The following HECW2 variants were observed in gnomAD, a reference collection of about 807,000 sequenced individuals.
The protein encoded by HECW2 is HECT, C2 and WW domain containing E3 ubiquitin protein ligase 2.
In HECW2, 61 loss-of-function variants were observed where a neutral mutation model predicts 175.2. The observed-to-expected ratio is 0.35, with a 90% confidence interval of 0.28 to 0.43. The LOEUF (loss-of-function observed/expected upper bound fraction) is 0.43. HECW2 is among the 20% of genes least tolerant of loss of function. The pLI is 1.00. For missense variants in HECW2, 1,524 were observed against 2,000.5 expected (o/e 0.76, Z 4.54); for synonymous variants, 671 against 731.0 (o/e 0.92, Z 1.32).
At chr2:196,245,612 A>C (rs1009313396) in intron 19 of HECW2, among the ~76,000 whole-genome samples, 1 of 152,206 alleles carries the variant, frequency 6.6e-6, no homozygotes, top group African/African-American at 2.4e-5. Context: ...TGCATAAGAG[A>C]TCCCACGTAA....
At chr2:196,591,419 C>T (rs759000226) in intron 1 of HECW2, among the ~76,000 whole-genome samples, 2 of 152,180 alleles carry the variant, frequency 1.3e-5, no homozygotes, top group African/African-American at 2.4e-5. Context: ...CCCCCAGAAG[C>T]AGCACGATTA....
At chr2:196,467,895 G>C (rs900736768) in intron 1 of HECW2, among the ~76,000 whole-genome samples, 16 of 152,188 alleles carry the variant, frequency 1.1e-4, no homozygotes, top group Admixed American at 8.5e-4. Flanking sequence ...CTTGCTAAAC[G>C]TGTCCTTATA....
chr2:196,399,358 A>T (rs1170612690), intron 2 of HECW2, among the ~76,000 whole-genome samples: 1 of 152,246 alleles, frequency 6.6e-6, no homozygotes, highest in East Asian at 1.9e-4. Flanking sequence ...ACTTCAAGTC[A>T]TTTCCCCCTG....
chr2:196,313,537 T>C (rs1691578387), intron 10 of HECW2, among the ~76,000 whole-genome samples: 1 of 152,182 alleles, frequency 6.6e-6, no homozygotes, highest in Non-Finnish European at 1.5e-5. Context: ...AAGGCCACAG[T>C]GCACTCTGTG....
At chr2:196,559,211 T>C (rs13384509) in intron 1 of HECW2, among the ~76,000 whole-genome samples, 7,247 of 152,222 alleles carry the variant, frequency 0.048, 568 homozygotes, top group African/African-American at 0.16. Flanking sequence ...ACAGTTCCCA[T>C]TAGACCCTCC....
chr2:196,399,139 G>T (rs1575501192), intron 2 of HECW2, among the ~76,000 whole-genome samples: 1 of 152,142 alleles, frequency 6.6e-6, no homozygotes, highest in East Asian at 1.9e-4. Flanking sequence ...TTCTCAGGTT[G>T]AGCATGTACA....
intron 13 of HECW2, among the ~76,000 whole-genome samples, chr2:196,294,420 A>G (rs981010022): frequency 1.1e-4 from 17 of 152,200 alleles, no homozygotes; most frequent in African/African-American, 3.9e-4. Flanking sequence ...TCTCAGGGAC[A>G]CTAGACTGAG....
At chr2:196,248,540 G>T (rs13405379) in intron 19 of HECW2, among the ~76,000 whole-genome samples, 3,491 of 151,564 alleles carry the variant, frequency 0.023, 116 homozygotes, top group African/African-American at 0.077. Context: ...CTACTTCAGG[G>T]ACTGTAGGAA....
chr2:196,312,259 A>C (rs985387650), intron 10 of HECW2, among the ~76,000 whole-genome samples: 3 of 151,910 alleles, frequency 2.0e-5, no homozygotes, highest in Non-Finnish European at 4.4e-5. Flanking sequence ...GGGGGGTGCT[A>C]TGGGTAGGGT....
chr2:196,471,989 A>G (rs1016076421), intron 1 of HECW2, among the ~76,000 whole-genome samples: 12 of 151,862 alleles, frequency 7.9e-5, no homozygotes, highest in Non-Finnish European at 1.6e-4. Flanking sequence ...AAAAAAAAAA[A>G]AAAAGAAAAG....
At chr2:196,223,864 G>T (rs759302079) in intron 23 of HECW2, among the ~76,000 whole-genome samples, 23 of 152,156 alleles carry the variant, frequency 1.5e-4, no homozygotes, top group Non-Finnish European at 1.8e-4. Flanking sequence ...AGAAGAAGAT[G>T]AATTTGAAAA....
intron 2 of HECW2, among the ~76,000 whole-genome samples, chr2:196,422,251 T>C (rs916986877): frequency 8.5e-5 from 13 of 152,146 alleles, no homozygotes; most frequent in Admixed American, 6.6e-4. Context: ...CATTCTACTA[T>C]GGGAGAGACA....
chr2:196,286,816 TGGTC>T (rs979442095), intron 14 of HECW2, among the ~76,000 whole-genome samples: 6 of 152,212 alleles, frequency 3.9e-5, no homozygotes, highest in African/African-American at 1.4e-4. Context: ...ACAAATGTGG[TGGTC>T]AAGTAGACAA....
In HECW2 at chr2:196,491,472, G is replaced by A. The variant is rs62184696; in HGVS notation, c.-35-58014C>T. Among the ~76,000 whole-genome samples, 97 of 137,076 alleles carry A rather than the reference G, an allele frequency of 7.1e-4. 1 individual carries two copies. In the East Asian group the frequency reaches 9.0e-3, roughly 13 times the overall value. 89.9% of individuals were successfully genotyped at this position (137,076 alleles called of 152,430 possible). A position where few individuals can be genotyped will look rare whatever the true frequency, so the allele number is the denominator to read the frequency against. ...ACACACTTAGGTATATTAGGTGTGT[G>A]TATATATATATATACACATATATAT... On this transcript the variant is annotated intron_variant, in intron 1 of 28. Coordinates refer to ENST00000644978, the MANE Select transcript of HECW2 (RefSeq NM_001348768.2).
At chr2:196,231,204 C>T (rs918680589) in intron 21 of HECW2, among the ~76,000 whole-genome samples, 2 of 151,676 alleles carry the variant, frequency 1.3e-5, no homozygotes, top group Non-Finnish European at 2.9e-5. Context: ...AGAGCATGCC[C>T]GTGGTCAAAG....
chr2:196,402,132 C>T lies in HECW2; in HGVS notation c.292+31000G>A, dbSNP rs1253254280. Among the ~76,000 whole-genome samples the T allele has an allele frequency of 8.0e-5, 10 of 124,756 alleles. 1 individual carries two copies. In the East Asian group the frequency reaches 1.1e-3, roughly 14 times the overall value. The allele number at this position is 124,756 out of a possible 152,430, so 81.8% of individuals were successfully genotyped here. A position where few individuals can be genotyped will look rare whatever the true frequency, so the allele number is the denominator to read the frequency against. On this transcript the variant is annotated intron_variant, in intron 2 of 28. Coordinates refer to ENST00000644978, the MANE Select transcript of HECW2 (RefSeq NM_001348768.2). The stretch of plus-strand genomic sequence containing the variant: ...AGGAGAATGGCATGAATCTGGGAGG[C>T]GGAGCTTGCAGTGAGCCGAGATGGC...
chr2:196,230,533 C>T (rs1688013134), intron 21 of HECW2, among the ~76,000 whole-genome samples: 2 of 152,196 alleles, frequency 1.3e-5, no homozygotes, highest in African/African-American at 4.8e-5. Context: ...CTTCCTTCAA[C>T]CTTCTCTCAG....
At chr2:196,395,404 A>G (rs1046610511) in intron 2 of HECW2, among the ~76,000 whole-genome samples, 1 of 152,198 alleles carries the variant, frequency 6.6e-6, no homozygotes, top group Non-Finnish European at 1.5e-5. Context: ...AAAAAACACT[A>G]TCGACAGAAT....
chr2:196,317,582 C>G (rs569263358), intron 9 of HECW2, among the ~76,000 whole-genome samples: 1 of 152,014 alleles, frequency 6.6e-6, no homozygotes, highest in Non-Finnish European at 1.5e-5. Flanking sequence ...ATGTATCCCC[C>G]GCTCCTGCAG....
Sources: allele counts gnomAD v4.1 joint callset (sites outside exome capture counted in the v4.1 genomes callset), GRCh38; gene constraint gnomAD v4.1.1; transcripts MANE v1.5; gene names NCBI Gene and HGNC (gene_info 2026-07-23, HGNC 2026-07-21).